ARHGEF28: variants seen among roughly 807,000 people sequenced by gnomAD.
ARHGEF28 encodes Rho guanine nucleotide exchange factor 28, also known as 190 kDa guanine nucleotide exchange factor.
Under a neutral mutation model 206.6 loss-of-function variants are expected in ARHGEF28, and 152 were observed. The ratio of observed to expected loss-of-function variants is 0.74; its 90% CI spans 0.64 to 0.84. The LOEUF (loss-of-function observed/expected upper bound fraction) is 0.84, where lower values mean the gene tolerates loss of function less well. ARHGEF28 is among the 40% of genes least tolerant of loss of function. The pLI, the probability that ARHGEF28 is intolerant of heterozygous loss-of-function variation, is 0.00. For synonymous variants in ARHGEF28, 763 were observed against 776.4 expected, an observed-to-expected ratio of 0.98 and a Z score of 0.29; for missense variants, 2,028 against 2,073.2, an observed-to-expected ratio of 0.98 and a Z score of 0.42.
intron 10 of ARHGEF28, among the ~76,000 whole-genome samples, chr5:73,836,461 T>C (rs920249488): frequency 6.6e-6 from 1 of 152,122 alleles, no homozygotes; most frequent in Non-Finnish European, 1.5e-5. Flanking sequence ...TGGGAAAATG[T>C]CTATTTAGGT....
intron 2 of ARHGEF28, among the ~76,000 whole-genome samples, chr5:73,736,393 T>C (rs1019511445): frequency 3.3e-5 from 5 of 152,208 alleles, no homozygotes; most frequent in Non-Finnish European, 1.5e-5. Context: ...TCCAGATCAC[T>C]GTATAATTAT....
chr5:73,747,919 C>T (rs1467447812), intron 2 of ARHGEF28, among the ~76,000 whole-genome samples: 3 of 152,126 alleles, frequency 2.0e-5, no homozygotes, highest in Admixed American at 6.5e-5. Flanking sequence ...AGTCCTTGTC[C>T]ACCCAACCGA....
At chr5:73,874,223 T>A (rs1760291651) in intron 22 of ARHGEF28, among the ~76,000 whole-genome samples, 1 of 152,142 alleles carries the variant, frequency 6.6e-6, no homozygotes, top group Non-Finnish European at 1.5e-5. Context: ...TTGGATTGTT[T>A]GTTTTCTTAT....
intron 10 of ARHGEF28, 49 bp from the exon 11 acceptor site, chr5:73,840,431 C>T (rs778553903): frequency 1.3e-6 from 2 of 1,572,428 alleles, no homozygotes; most frequent in Non-Finnish European, 1.7e-6. Flanking sequence ...CTTAGCTAGG[C>T]CAATCTTACC....
intron 30 of ARHGEF28, chr5:73,898,645 T>C (rs995953136): frequency 6.6e-6 from 1 of 152,436 alleles, no homozygotes; most frequent in Non-Finnish European, 1.5e-5. Flanking sequence ...AAATTCTTGA[T>C]CTGTGCCATC....
chr5:73,759,195 A>G (rs1317569182), intron 4 of ARHGEF28, among the ~76,000 whole-genome samples: 4 of 152,160 alleles, frequency 2.6e-5, no homozygotes, highest in Non-Finnish European at 5.9e-5. Flanking sequence ...TTAAGAGTAC[A>G]CTCCTTAACT....
chr5:73,913,102 A>G (rs1201989240), intron 35 of ARHGEF28, among the ~76,000 whole-genome samples: 1 of 152,254 alleles, frequency 6.6e-6, no homozygotes, highest in Non-Finnish European at 1.5e-5. Context: ...GATTATATAC[A>G]AAACCAGTCT....
intron 1 of ARHGEF28, among the ~76,000 whole-genome samples, chr5:73,659,536 A>T (rs543919241): frequency 1.1e-4 from 16 of 152,262 alleles, no homozygotes; most frequent in South Asian, 8.3e-4. Flanking sequence ...CTCAAAAAAA[A>T]AAAAAAAGTT....
chr5:73,929,066 A>C (rs533298360), intron 35 of ARHGEF28, among the ~76,000 whole-genome samples: 1 of 152,270 alleles, frequency 6.6e-6, no homozygotes, highest in African/African-American at 2.4e-5. Context: ...CTCCTGAGAA[A>C]AGTTCCTACT....
chr5:73,873,613 T>C (rs1441422644), intron 22 of ARHGEF28, among the ~76,000 whole-genome samples: 1 of 152,220 alleles, frequency 6.6e-6, no homozygotes, highest in Non-Finnish European at 1.5e-5. Flanking sequence ...CCTGGGTAGA[T>C]GCTAGAATGC....
intron 9 of ARHGEF28, among the ~76,000 whole-genome samples, chr5:73,811,372 G>T (rs1354270984): frequency 6.6e-6 from 1 of 152,150 alleles, no homozygotes; most frequent in Non-Finnish European, 1.5e-5. Flanking sequence ...AATAGTTCTT[G>T]TAGATGTTTT....
chr5:73,649,084 G>A (rs1388256291), intron 1 of ARHGEF28, among the ~76,000 whole-genome samples: 18 of 152,174 alleles, frequency 1.2e-4, no homozygotes, highest in Non-Finnish European at 4.4e-5. Flanking sequence ...TTATGAAATA[G>A]GCATTATTAT....
chr5:73,938,709 GGC>G (rs1742356269), intron 35 of ARHGEF28, among the ~76,000 whole-genome samples: 1 of 152,174 alleles, frequency 6.6e-6, no homozygotes, highest in South Asian at 2.1e-4. Context: ...TTCAGTCTAT[GGC>G]TGGGAAAAGG....
intron 9 of ARHGEF28, among the ~76,000 whole-genome samples, chr5:73,829,563 G>A (rs936691340): frequency 6.6e-6 from 1 of 151,904 alleles, no homozygotes. Flanking sequence ...ATAATTTTTA[G>A]TAGAGACAGG....
intron 2 of ARHGEF28, among the ~76,000 whole-genome samples, chr5:73,745,102 T>G (rs1751651023): frequency 6.6e-6 from 1 of 152,082 alleles, no homozygotes; most frequent in African/African-American, 2.4e-5. Flanking sequence ...CAGTATTTGT[T>G]CATTGCCCAG....
chr5:73,697,977 A>G (rs568577494), intron 2 of ARHGEF28, among the ~76,000 whole-genome samples: 2 of 152,356 alleles, frequency 1.3e-5, no homozygotes, highest in Admixed American at 6.5e-5. Flanking sequence ...GCAGGGGCAG[A>G]TGCAGGTTTT....
At chr5:73,645,200 A>G (rs1313574303) in intron 1 of ARHGEF28, among the ~76,000 whole-genome samples, 3 of 152,028 alleles carry the variant, frequency 2.0e-5, no homozygotes, top group African/African-American at 7.2e-5. Flanking sequence ...GTTTGTTTTT[A>G]GAGATATGGT....
chr5:73,723,589 G>A (rs1750094614), intron 2 of ARHGEF28, among the ~76,000 whole-genome samples: 3 of 152,132 alleles, frequency 2.0e-5, no homozygotes, highest in African/African-American at 7.2e-5. Context: ...ATCAGTTAAG[G>A]TTTATTTGTA....
At chr5:73,894,736 A>T (rs558415548) in intron 29 of ARHGEF28, among the ~76,000 whole-genome samples, 161 bp downstream of exon 29, 1 of 152,374 alleles carries the variant, frequency 6.6e-6, no homozygotes, top group Non-Finnish European at 1.5e-5. Flanking sequence ...GCCAAATATA[A>T]AGAAAGAAAT....
Sources: gnomAD v4.1 joint callset for allele counts (sites outside exome capture counted in the v4.1 genomes callset) on GRCh38, gnomAD v4.1.1 for gene constraint, MANE v1.5 for transcripts, NCBI Gene and HGNC (gene_info 2026-07-23, HGNC 2026-07-21) for gene names.